KITLG: variants seen among roughly 807,000 people sequenced by gnomAD.
The protein encoded by KITLG is c-Kit ligand.
KITLG carries 13 observed loss-of-function variants against 34.1 expected under a neutral mutation model. The observed-to-expected ratio is 0.38, with a 90% CI of 0.25 to 0.61. The LOEUF is 0.61. Ranked by LOEUF, KITLG falls within the 20% of genes least tolerant of loss-of-function variation. The pLI is 0.60. For synonymous variants in KITLG, 110 were observed against 104.0 expected, an observed-to-expected ratio of 1.06 and a Z score of -0.35; for missense variants, 292 against 318.9, an observed-to-expected ratio of 0.92 and a Z score of 0.64.
At chr12:88,550,710 T>C (rs566528307) in intron 1 of KITLG, among the ~76,000 whole-genome samples, 2 of 152,332 alleles carry the variant, frequency 1.3e-5, no homozygotes, top group Non-Finnish European at 2.9e-5. Flanking sequence ...CCCTCTACAC[T>C]GTCCCAGAAC....
chr12:88,552,763 A>T (rs10777126), intron 1 of KITLG, among the ~76,000 whole-genome samples: 100,162 of 149,256 alleles, frequency 0.67, 36,300 homozygotes, highest in Middle Eastern at 0.86. Context: ...AGAAGAAATT[A>T]AAAAAAAAAA....
At chr12:88,555,830 G>A (rs926290194) in intron 1 of KITLG, among the ~76,000 whole-genome samples, 2 of 152,154 alleles carry the variant, frequency 1.3e-5, no homozygotes, top group African/African-American at 4.8e-5. Flanking sequence ...GACATGTATG[G>A]AGTATCTAAT....
intron 9 of KITLG, among the ~76,000 whole-genome samples, chr12:88,501,125 A>G (rs1868840975): frequency 6.6e-6 from 1 of 152,112 alleles, no homozygotes; most frequent in African/African-American, 2.4e-5. Flanking sequence ...TTCTAGTTCA[A>G]TACATTCCTT....
intron 1 of KITLG, among the ~76,000 whole-genome samples, chr12:88,559,115 A>G (rs1440046363): frequency 1.3e-5 from 2 of 152,258 alleles, no homozygotes; most frequent in Non-Finnish European, 2.9e-5. Context: ...TTGAGTGCAC[A>G]GAATACTGTT....
chr12:88,552,022 G>A (rs1429741174), intron 1 of KITLG, among the ~76,000 whole-genome samples: 2 of 151,732 alleles, frequency 1.3e-5, no homozygotes, highest in East Asian at 1.9e-4. Context: ...TAGAGAGAAG[G>A]GACCAAGAGT....
intron 1 of KITLG, among the ~76,000 whole-genome samples, chr12:88,578,222 C>G (rs542195758): frequency 6.6e-6 from 1 of 152,112 alleles, no homozygotes; most frequent in Admixed American, 6.5e-5. Flanking sequence ...CCAGTGTCCC[C>G]TTTTTCAGTG....
At chr12:88,501,226 G>A (rs1868843873) in intron 9 of KITLG, among the ~76,000 whole-genome samples, 1 of 152,014 alleles carries the variant, frequency 6.6e-6, no homozygotes, top group Non-Finnish European at 1.5e-5. Flanking sequence ...TAGCCCATAT[G>A]TTCTCTATTC....
rs139239850 is a variant in KITLG, at chr12:88,547,846, A to C, written c.16-1981T>G. ...ACGTTTGTTTTCTCATTCATCTAACAAGTATTTATTGAGTATCTGGTGTAT... is the reference window on the plus strand; with the variant it reads ...ACGTTTGTTTTCTCATTCATCTAACCAGTATTTATTGAGTATCTGGTGTAT... On this transcript the variant is annotated intron_variant, in intron 1 of 9. Coordinates refer to ENST00000644744, the MANE Select transcript of KITLG (RefSeq NM_000899.5). Among the ~76,000 whole-genome samples, 645 of 152,280 alleles carry C rather than the reference A, an allele frequency of 4.2e-3. 3 individuals carry two copies. Among genetic ancestry groups the C allele is most frequent in the Middle Eastern group, 0.017 (5 of 294 alleles).
intron 1 of KITLG, 59 bp from the exon 2 acceptor site, chr12:88,545,924 AC>A: frequency 1.0e-6 from 1 of 977,158 alleles, no homozygotes; most frequent in Non-Finnish European, 1.7e-6. Flanking sequence ...AATCATTCAA[AC>A]TTTTAACATC....
intron 9 of KITLG, among the ~76,000 whole-genome samples, chr12:88,498,303 G>T (rs996804225): frequency 6.6e-6 from 1 of 152,048 alleles, no homozygotes; most frequent in African/African-American, 2.4e-5. Flanking sequence ...AATAAGAATT[G>T]CAATATTTTT....
At chr12:88,555,831 A>T (rs1427562956) in intron 1 of KITLG, among the ~76,000 whole-genome samples, 1 of 152,196 alleles carries the variant, frequency 6.6e-6, no homozygotes, top group Non-Finnish European at 1.5e-5. Flanking sequence ...ACATGTATGG[A>T]GTATCTAATA....
At chr12:88,571,685 G>A (rs1184587462) in intron 1 of KITLG, among the ~76,000 whole-genome samples, 2 of 152,132 alleles carry the variant, frequency 1.3e-5, no homozygotes, top group Non-Finnish European at 2.9e-5. Context: ...CTGAGCAGTT[G>A]GCAGGAGCCA....
At chr12:88,539,465 C>T (rs957142819) in intron 2 of KITLG, among the ~76,000 whole-genome samples, 3 of 152,072 alleles carry the variant, frequency 2.0e-5, no homozygotes, top group Non-Finnish European at 4.4e-5. Context: ...GTTAGTTGTT[C>T]AACCTTCAGA....
chr12:88,577,161 A>T (rs1030576977), intron 1 of KITLG, among the ~76,000 whole-genome samples: 1 of 152,174 alleles, frequency 6.6e-6, no homozygotes, highest in African/African-American at 2.4e-5. Flanking sequence ...TCTTTTCATA[A>T]GTATGTTAAT....
chr12:88,549,177 G>A (rs903690324), intron 1 of KITLG, among the ~76,000 whole-genome samples: 2 of 152,202 alleles, frequency 1.3e-5, no homozygotes, highest in East Asian at 3.9e-4. Context: ...ATGTCAGAGA[G>A]ACAATGGAGA....
At chr12:88,499,480 A>AC (rs1408454484) in intron 9 of KITLG, among the ~76,000 whole-genome samples, 1 of 152,068 alleles carries the variant, frequency 6.6e-6, no homozygotes, top group Non-Finnish European at 1.5e-5. Flanking sequence ...TATCAACCAC[A>AC]CGGGGCCATT....
chr12:88,505,272 G>C (rs1391548945), intron 8 of KITLG, 37 bp from the exon 9 acceptor site: 1 of 1,529,100 alleles, frequency 6.5e-7, no homozygotes, highest in South Asian at 1.1e-5. Flanking sequence ...ATTTGCTCTT[G>C]GTCAGAGATT....
chr12:88,557,417 T>C (rs981624220), intron 1 of KITLG, among the ~76,000 whole-genome samples: 1 of 152,184 alleles, frequency 6.6e-6, no homozygotes, highest in Non-Finnish European at 1.5e-5. Flanking sequence ...CATTAGCTAT[T>C]CATAAAGCTC....
At chr12:88,572,222 C>T (rs1871673926) in intron 1 of KITLG, among the ~76,000 whole-genome samples, 1 of 152,028 alleles carries the variant, frequency 6.6e-6, no homozygotes, top group Non-Finnish European at 1.5e-5. Flanking sequence ...TTAAAAGTCT[C>T]ATTATTGAAA....
Sources: allele counts gnomAD v4.1 joint callset (sites outside exome capture counted in the v4.1 genomes callset), GRCh38; gene constraint gnomAD v4.1.1; transcripts MANE v1.5; gene names NCBI Gene and HGNC (gene_info 2026-07-23, HGNC 2026-07-21).